Variants in CIMIP4 observed in about 807,000 individuals in gnomAD.
CIMIP4 encodes protein EAN57.
chr22:36,991,836 AT>A, the CIMIP4 span, among the ~76,000 whole-genome samples: 1 of 152,006 alleles, frequency 6.6e-6, no homozygotes, highest in Non-Finnish European at 1.5e-5. Flanking sequence ...AAGAAATGAG[AT>A]TTTTTTGCAT....
the CIMIP4 span, among the ~76,000 whole-genome samples, chr22:36,994,243 AT>A: frequency 6.6e-6 from 1 of 152,240 alleles, no homozygotes; most frequent in Non-Finnish European, 1.5e-5. Flanking sequence ...GGATTAGAAG[AT>A]TTGTGCAGAA....
the CIMIP4 span, among the ~76,000 whole-genome samples, chr22:37,004,257 CCT>C: frequency 6.6e-6 from 1 of 152,082 alleles, no homozygotes; most frequent in Non-Finnish European, 1.5e-5. Flanking sequence ...CAGCCTCTGC[CCT>C]CTCTGAAAAG....
the CIMIP4 span, among the ~76,000 whole-genome samples, chr22:36,994,152 A>T: frequency 5.9e-5 from 9 of 152,242 alleles, no homozygotes; most frequent in Non-Finnish European, 1.0e-4. Flanking sequence ...CACAGGACAA[A>T]TGGACAAAGC....
At chr22:36,991,451 G>A in the CIMIP4 span, 10 of 1,600,836 alleles carry the variant, frequency 6.2e-6, no homozygotes, top group Non-Finnish European at 6.8e-6. Context: ...GACAGTCCCT[G>A]CCTCCCATCA....
At chr22:36,999,816 C>A in the CIMIP4 span, 18 of 1,604,072 alleles carry the variant, frequency 1.1e-5, no homozygotes, top group Non-Finnish European at 1.5e-5. Context: ...TGTTCACGGC[C>A]CCACCCTTGC....
At chr22:37,006,368 G>A in the CIMIP4 span, among the ~76,000 whole-genome samples, 2 of 152,236 alleles carry the variant, frequency 1.3e-5, no homozygotes, top group East Asian at 1.9e-4. Flanking sequence ...CAACATTTGT[G>A]TGGCTGGATT....
the CIMIP4 span, among the ~76,000 whole-genome samples, chr22:36,992,087 G>A: frequency 1.3e-5 from 2 of 152,328 alleles, no homozygotes; most frequent in Non-Finnish European, 2.9e-5. Context: ...AGTGGCTCAC[G>A]CCTGTAATCC....
At chr22:36,995,976 G>A in the CIMIP4 span, among the ~76,000 whole-genome samples, 2 of 152,122 alleles carry the variant, frequency 1.3e-5, no homozygotes, top group Admixed American at 6.5e-5. Flanking sequence ...TCCTAGAGAG[G>A]TCAGCCAGAT....
the CIMIP4 span, among the ~76,000 whole-genome samples, chr22:37,004,649 T>C: frequency 2.0e-5 from 3 of 152,002 alleles, no homozygotes; most frequent in African/African-American, 7.2e-5. Flanking sequence ...TTCAAAAGCC[T>C]CTGCAGCTTT....
the CIMIP4 span, among the ~76,000 whole-genome samples, chr22:36,998,171 A>G: frequency 2.0e-5 from 3 of 152,244 alleles, no homozygotes; most frequent in Non-Finnish European, 4.4e-5. Context: ...TGTAGACATT[A>G]TCATACAAAG....
At chr22:36,996,646 A>T in the CIMIP4 span, among the ~76,000 whole-genome samples, 31 of 152,340 alleles carry the variant, frequency 2.0e-4, no homozygotes, top group Admixed American at 8.5e-4. Context: ...TCCAATCAAA[A>T]TCCCAACAGG....
chr22:37,007,163 CTG>C, the CIMIP4 span, among the ~76,000 whole-genome samples: 86 of 152,298 alleles, frequency 5.6e-4, 1 homozygote, highest in African/African-American at 2.1e-3. Flanking sequence ...CTCACAGAAA[CTG>C]TGAGATAGTA....
the CIMIP4 span, chr22:36,991,699 G>T: frequency 1.5e-5 from 14 of 941,206 alleles, no homozygotes; most frequent in Admixed American, 2.7e-4. Flanking sequence ...ATTGTGGAAC[G>T]GAAGGAGAGT....
At chr22:37,001,263 T>A in the CIMIP4 span, among the ~76,000 whole-genome samples, 28 of 151,806 alleles carry the variant, frequency 1.8e-4, no homozygotes, top group East Asian at 4.6e-3. Flanking sequence ...ACGCTCACCA[T>A]GTATTTGTCA....
the CIMIP4 span, among the ~76,000 whole-genome samples, chr22:37,003,115 C>G: frequency 1.3e-5 from 2 of 152,392 alleles, no homozygotes; most frequent in South Asian, 4.1e-4. Context: ...TCTTGGCCGT[C>G]AGGCCTCTGA....
chr22:36,992,494 T>A, the CIMIP4 span, among the ~76,000 whole-genome samples: 1,180 of 152,088 alleles, frequency 7.8e-3, 6 homozygotes, highest in Non-Finnish European at 0.013. Flanking sequence ...ATGAAACACA[T>A]AATAATTGAA....
chr22:36,993,738 G>GAAAAT, the CIMIP4 span, among the ~76,000 whole-genome samples: 1 of 150,276 alleles, frequency 6.7e-6, no homozygotes, highest in Non-Finnish European at 1.5e-5. Context: ...CAAAAAAAAA[G>GAAAAT]AAAAGAAAAG....
At chr22:37,001,890 T>C in the CIMIP4 span, 5 of 1,611,540 alleles carry the variant, frequency 3.1e-6, no homozygotes, top group South Asian at 4.4e-5. Context: ...TTGTGGCGAA[T>C]GTTGTTAGGA....
the CIMIP4 span, among the ~76,000 whole-genome samples, chr22:36,993,568 C>CA: frequency 0.3 from 44,220 of 146,048 alleles, 6,702 homozygotes; most frequent in African/African-American, 0.33. Flanking sequence ...ACTAAAAATA[C>CA]AAAAAAAAAA....
Sources: gnomAD v4.1 joint callset for allele counts (sites outside exome capture counted in the v4.1 genomes callset) on GRCh38, gnomAD v4.1.1 for gene constraint, MANE v1.5 for transcripts, NCBI Gene and HGNC (gene_info 2026-07-23, HGNC 2026-07-21) for gene names.